The following TSHZ2 variants were observed in gnomAD, a reference collection of about 807,000 sequenced individuals.
TSHZ2 encodes teashirt zinc finger homeobox 2, also known as teashirt homolog 2.
Under a neutral mutation model 74.4 loss-of-function variants are expected in TSHZ2, and 21 were observed. The ratio of observed to expected loss-of-function variants is 0.28; its 90% CI spans 0.20 to 0.41. The LOEUF is 0.41. Ranked by LOEUF, TSHZ2 falls within the 10% of genes least tolerant of loss-of-function variation. TSHZ2 has a pLI of 1.00. For synonymous variants in TSHZ2, 540 were observed against 515.3 expected (o/e 1.05, Z -0.65); for missense variants, 1,244 against 1,293.5 (o/e 0.96, Z 0.59).
intron 1 of TSHZ2, among the ~76,000 whole-genome samples, chr20:53,061,172 A>G (rs988319652): frequency 1.3e-5 from 2 of 152,188 alleles, no homozygotes; most frequent in African/African-American, 4.8e-5. Context: ...TTGAAGCTTC[A>G]GATATTTTGA....
chr20:53,155,331 C>T lies in TSHZ2; in HGVS notation c.41-98168C>T, dbSNP rs117120074. On this transcript the variant is annotated intron_variant, in intron 1 of 2. Coordinates refer to ENST00000371497, the MANE Select transcript of TSHZ2 (RefSeq NM_173485.6). Reference sequence around the variant, plus strand: ...TTTAAGAAACCAAGAAGGGATAGTTCAGTGACCTGAGACTGGTGTCAGAAA... The same window carrying T: ...TTTAAGAAACCAAGAAGGGATAGTTTAGTGACCTGAGACTGGTGTCAGAAA... 5.6e-3 allele frequency among the ~76,000 whole-genome samples: 859 copies of T among 152,052 alleles called. 4 individuals carry two copies. Among genetic ancestry groups the T allele is most frequent in the Middle Eastern group, 0.02 (6 of 294 alleles).
At chr20:53,387,132 C>T (rs962977593) in intron 2 of TSHZ2, among the ~76,000 whole-genome samples, 5 of 152,100 alleles carry the variant, frequency 3.3e-5, no homozygotes, top group African/African-American at 1.2e-4. Context: ...GGACAGCGAT[C>T]GTTTTCACTT....
intron 1 of TSHZ2, among the ~76,000 whole-genome samples, chr20:53,165,459 T>C (rs1042211947): frequency 6.6e-6 from 1 of 152,320 alleles, no homozygotes; most frequent in East Asian, 1.9e-4. Context: ...GTGGTGGCGA[T>C]TGAAAATTTT....
intron 1 of TSHZ2, among the ~76,000 whole-genome samples, chr20:53,039,924 A>G (rs1983975847): frequency 6.6e-6 from 1 of 151,994 alleles, no homozygotes; most frequent in Non-Finnish European, 1.5e-5. Context: ...TGGCTAACAC[A>G]GTGAAACCCT....
At chr20:53,384,435 T>C (rs1185308134) in intron 2 of TSHZ2, among the ~76,000 whole-genome samples, 2 of 152,198 alleles carry the variant, frequency 1.3e-5, no homozygotes, top group Admixed American at 6.5e-5. Context: ...AATCATTTAA[T>C]TGTTTGGTGG....
intron 1 of TSHZ2, among the ~76,000 whole-genome samples, chr20:53,235,137 C>CGGG (rs11477959): frequency 1.4e-5 from 1 of 72,528 alleles, no homozygotes; most frequent in East Asian, 4.2e-4. Flanking sequence ...TTGGGCGGGG[C>CGGG]GGGGGGGGGG....
intron 1 of TSHZ2, among the ~76,000 whole-genome samples, chr20:53,000,213 T>C (rs1357495969): frequency 1.3e-5 from 2 of 152,244 alleles, no homozygotes; most frequent in Non-Finnish European, 2.9e-5. Flanking sequence ...GAATGGTTTT[T>C]ACATTTTTTA....
In TSHZ2 at chr20:53,050,225, A is replaced by G. The variant is rs555267139; in HGVS notation, c.40+76892A>G. 5.2e-4 allele frequency among the ~76,000 whole-genome samples: 77 copies of G among 148,914 alleles called. 2 individuals carry two copies. The South Asian group carries it at 0.015, about 29-fold the overall frequency. On this transcript the variant is annotated intron_variant, in intron 1 of 2. Transcript: ENST00000371497. Reference sequence around the variant, plus strand: ...TGTATGTATATATATGAATGTTTATATATAGTGGCTACTTAAAAAGTGTTT... The same window carrying G: ...TGTATGTATATATATGAATGTTTATGTATAGTGGCTACTTAAAAAGTGTTT...
intron 2 of TSHZ2, among the ~76,000 whole-genome samples, chr20:53,379,359 G>C (rs1600592670): frequency 6.6e-6 from 1 of 152,326 alleles, no homozygotes; most frequent in Middle Eastern, 3.4e-3. Context: ...TCCAGCCTGG[G>C]TGACAGAGTG....
Position 53,495,071 on chromosome 20 carries a change from T to C in TSHZ2, c.*7936T>C, listed in dbSNP as rs1472174962. 2 of 152,086 alleles carry C rather than the reference T, an allele frequency of 1.3e-5. No individual in the cohort carries two copies. The highest frequency in any genetic ancestry group is 4.8e-5 in the African/African-American group (2 of 41,400). The allele number at this position is 152,086 out of a possible 1,614,324, so 9.4% of individuals were successfully genotyped here. A position where few individuals can be genotyped will look rare whatever the true frequency, so the allele number is the denominator to read the frequency against. On this transcript the variant is annotated 3_prime_UTR_variant, in exon 3 of 3. Coordinates refer to ENST00000371497, the MANE Select transcript of TSHZ2 (RefSeq NM_173485.6). ...AGCAGAGACATGCCTCTCAACACCA[T>C]TAGCTTTGCAAATGGCTTCATTTCA... is the stretch of plus-strand genomic sequence containing the variant.
intron 1 of TSHZ2, among the ~76,000 whole-genome samples, chr20:53,221,400 T>A (rs1043838535): frequency 1.3e-5 from 2 of 152,196 alleles, no homozygotes; most frequent in Non-Finnish European, 2.9e-5. Flanking sequence ...TAAAAATAAA[T>A]ACTGTGGGTA....
At chr20:53,459,441 C>T (rs1985258189) in intron 2 of TSHZ2, among the ~76,000 whole-genome samples, 1 of 150,530 alleles carries the variant, frequency 6.6e-6, no homozygotes, top group Admixed American at 6.6e-5. Flanking sequence ...TATTTTGAGC[C>T]TATGTGTGTC....
intron 2 of TSHZ2, chr20:53,398,842 A>T (rs1320734614): frequency 6.6e-6 from 1 of 152,218 alleles, no homozygotes; most frequent in Non-Finnish European, 1.5e-5. Context: ...AATAATCATC[A>T]TAGCTATTTC....
chr20:53,261,103 C>A (rs1990591947), intron 2 of TSHZ2, among the ~76,000 whole-genome samples: 1 of 152,212 alleles, frequency 6.6e-6, no homozygotes, highest in Non-Finnish European at 1.5e-5. Context: ...CAATGCTCAT[C>A]AACTTTCTCC....
chr20:53,074,520 T>G lies in TSHZ2; in HGVS notation c.40+101187T>G, dbSNP rs943534367. 2.0e-5 allele frequency among the ~76,000 whole-genome samples: 3 copies of G among 152,276 alleles called. 1 individual carries two copies. The highest frequency in any genetic ancestry group is 2.0e-4 in the Admixed American group (3 of 15,302). ...GCAAACCAGATTTTTTTAAAGCTTATGATTGTTGGAAAGTTCAAGTATACA... is the reference window on the plus strand; with the variant it reads ...GCAAACCAGATTTTTTTAAAGCTTAGGATTGTTGGAAAGTTCAAGTATACA... On this transcript the variant is annotated intron_variant, in intron 1 of 2. Transcript: ENST00000371497. The surrounding 1 kb of genome is among the most constrained non-coding windows in gnomAD (Gnocchi z 5.9).
chr20:53,031,958 G>T (rs1014784832), intron 1 of TSHZ2, among the ~76,000 whole-genome samples: 2 of 151,988 alleles, frequency 1.3e-5, no homozygotes, highest in African/African-American at 4.8e-5. Flanking sequence ...AGGAAGGAAG[G>T]AAGATAGGAA....
At chr20:53,131,125 T>C (rs1390820869) in intron 1 of TSHZ2, among the ~76,000 whole-genome samples, 2 of 152,228 alleles carry the variant, frequency 1.3e-5, no homozygotes, top group African/African-American at 2.4e-5. Context: ...AGGTTGTTTA[T>C]GATTTCATCA....
intron 1 of TSHZ2, among the ~76,000 whole-genome samples, chr20:53,164,314 T>G (rs1190498948): frequency 6.6e-6 from 1 of 152,204 alleles, no homozygotes; most frequent in Non-Finnish European, 1.5e-5. Flanking sequence ...GGTCAATGTC[T>G]ACTTCATCTC....
chr20:53,085,005 C>G (rs1166225655), intron 1 of TSHZ2, among the ~76,000 whole-genome samples: 1 of 151,980 alleles, frequency 6.6e-6, no homozygotes, highest in Non-Finnish European at 1.5e-5. Flanking sequence ...GATAATAATA[C>G]CTGCTTTATC....
Sources: allele counts gnomAD v4.1 joint callset (sites outside exome capture counted in the v4.1 genomes callset), GRCh38; gene constraint gnomAD v4.1.1; non-coding constraint Gnocchi (gnomAD v3.1); transcripts MANE v1.5; gene names NCBI Gene and HGNC (gene_info 2026-07-23, HGNC 2026-07-21).